Variants in CNTN5 observed in about 807,000 individuals in gnomAD.
The protein encoded by CNTN5 is contactin 5.
In CNTN5, 77 loss-of-function variants were observed where a neutral mutation model predicts 129.1. That is an observed-to-expected ratio of 0.60 (90% CI 0.50 to 0.72). The LOEUF (loss-of-function observed/expected upper bound fraction) is 0.72, where lower values mean the gene tolerates loss of function less well. Among genes scored for constraint, CNTN5 ranks in the 30% least tolerant of loss-of-function variants. The pLI, the probability that CNTN5 is intolerant of heterozygous loss-of-function variation, is 0.00. For missense variants in CNTN5, 1,478 were observed against 1,328.8 expected (o/e 1.11, Z -1.75); for synonymous variants, 509 against 465.6 (o/e 1.09, Z -1.20).
At chr11:99,259,860 G>A (rs1181570944) in intron 1 of CNTN5, among the ~76,000 whole-genome samples, 4 of 151,702 alleles carry the variant, frequency 2.6e-5, no homozygotes, top group African/African-American at 9.7e-5. Flanking sequence ...CTCGTTATTT[G>A]AAATTTTATT....
chr11:100,152,753 C>A (rs1478049967), intron 13 of CNTN5, among the ~76,000 whole-genome samples: 2 of 151,982 alleles, frequency 1.3e-5, no homozygotes, highest in Admixed American at 6.6e-5. Flanking sequence ...ATTAATGATT[C>A]TTTAAAAATG....
chr11:100,221,017 C>T (rs1278052151), intron 15 of CNTN5, among the ~76,000 whole-genome samples: 2 of 152,172 alleles, frequency 1.3e-5, no homozygotes, highest in African/African-American at 4.8e-5. Flanking sequence ...GAATGCCCAT[C>T]GTGGACCTTG....
chr11:100,258,395 C>A (rs1365380008), intron 17 of CNTN5, among the ~76,000 whole-genome samples: 1 of 152,130 alleles, frequency 6.6e-6, no homozygotes, highest in Non-Finnish European at 1.5e-5. Context: ...CTTCCCCAAC[C>A]TAGGAAGACA....
chr11:99,116,907 G>A (rs963443035), intron 1 of CNTN5, among the ~76,000 whole-genome samples: 1 of 152,190 alleles, frequency 6.6e-6, no homozygotes, highest in Non-Finnish European at 1.5e-5. Context: ...ATGGAATGCA[G>A]TACTGGTATT....
intron 16 of CNTN5, among the ~76,000 whole-genome samples, chr11:100,238,419 A>G (rs1007279313): frequency 1.3e-5 from 2 of 149,864 alleles, no homozygotes; most frequent in African/African-American, 4.9e-5. Context: ...AAAAAAAAAA[A>G]AAAAAAAAAA....
chr11:100,322,939 A>T (rs548886784), intron 21 of CNTN5, among the ~76,000 whole-genome samples: 33 of 152,216 alleles, frequency 2.2e-4, no homozygotes, highest in Non-Finnish European at 4.0e-4. Context: ...TCAATGAATA[A>T]TCTGTTTTGT....
chr11:100,303,682 T>G (rs1190731984), intron 20 of CNTN5, among the ~76,000 whole-genome samples: 2 of 151,646 alleles, frequency 1.3e-5, no homozygotes, highest in Non-Finnish European at 3.0e-5. Flanking sequence ...TTGCAGAATA[T>G]AATAGACAAT....
At chr11:99,177,125 G>A (rs1472361530) in intron 1 of CNTN5, among the ~76,000 whole-genome samples, 1 of 101,466 alleles carries the variant, frequency 9.9e-6, no homozygotes. Flanking sequence ...ATTCTTCATG[G>A]AAATAAACCT....
At chr11:99,076,270 G>C (rs1231751880) in intron 1 of CNTN5, among the ~76,000 whole-genome samples, 1 of 152,086 alleles carries the variant, frequency 6.6e-6, no homozygotes, top group African/African-American at 2.4e-5. Context: ...GGGAGCTAGA[G>C]GCTGCAGTGA....
intron 16 of CNTN5, among the ~76,000 whole-genome samples, chr11:100,236,898 GA>G (rs1200381292): frequency 1.3e-4 from 20 of 152,172 alleles, no homozygotes; most frequent in African/African-American, 4.8e-4. Context: ...TGGTCACCAA[GA>G]AAGAACTCCG....
At chr11:99,352,167 A>C (rs577062895) in intron 2 of CNTN5, among the ~76,000 whole-genome samples, 1 of 152,372 alleles carries the variant, frequency 6.6e-6, no homozygotes, top group Non-Finnish European at 1.5e-5. Context: ...GAATATGAAT[A>C]GACCTGAGTG....
At chr11:100,144,751 G>T (rs1389174242) in intron 13 of CNTN5, among the ~76,000 whole-genome samples, 1 of 144,332 alleles carries the variant, frequency 6.9e-6, no homozygotes, top group East Asian at 2.1e-4. Context: ...TTTTTTTTGA[G>T]ACTGAGTCTG....
intron 13 of CNTN5, among the ~76,000 whole-genome samples, chr11:100,149,798 G>A (rs1775669943): frequency 6.6e-6 from 1 of 151,740 alleles, no homozygotes; most frequent in African/African-American, 2.4e-5. Flanking sequence ...GGGAGGCTGA[G>A]GCAGAAGAAT....
At chr11:99,174,013 T>TGC (rs1473444100) in intron 1 of CNTN5, among the ~76,000 whole-genome samples, 1 of 151,960 alleles carries the variant, frequency 6.6e-6, no homozygotes, top group Non-Finnish European at 1.5e-5. Flanking sequence ...TGTGTGTGTG[T>TGC]GTGTGATGGA....
chr11:99,780,323 A>G (rs942745398), intron 3 of CNTN5, among the ~76,000 whole-genome samples: 1 of 152,092 alleles, frequency 6.6e-6, no homozygotes, highest in African/African-American at 2.4e-5. Context: ...GTAAGAGGAG[A>G]ATATGGCTAA....
At chr11:99,528,195 A>T (rs911404521) in intron 2 of CNTN5, among the ~76,000 whole-genome samples, 1 of 152,222 alleles carries the variant, frequency 6.6e-6, no homozygotes. Flanking sequence ...ATTCTAAAAA[A>T]TTCTTTACAT....
At chr11:99,460,707 G>C (rs558777586) in intron 2 of CNTN5, among the ~76,000 whole-genome samples, 1 of 151,946 alleles carries the variant, frequency 6.6e-6, no homozygotes, top group Admixed American at 6.6e-5. Context: ...GTGATTTTCA[G>C]ATACTGAAAA....
chr11:99,878,394 AAT>A (rs1477899797), intron 6 of CNTN5, among the ~76,000 whole-genome samples: 1 of 152,220 alleles, frequency 6.6e-6, no homozygotes, highest in Non-Finnish European at 1.5e-5. Context: ...AGTGGGGATA[AAT>A]AGTTATTGTA....
chr11:99,799,278 T>TAA lies in CNTN5; in HGVS notation c.56-20265_56-20264insAA, dbSNP rs563309984. Among the ~76,000 whole-genome samples, 13 of 151,740 alleles carry TAA rather than the reference T, an allele frequency of 8.6e-5. No individual in the cohort carries two copies. In the South Asian group the frequency reaches 2.7e-3, roughly 32 times the overall value. ...TGATTACTCTGGCTAGCACTTCCAG[T>TAA]ATTATGTTAAATAGGAGTGGTGAGA... is the stretch of plus-strand genomic sequence containing the variant. On this transcript the variant is annotated intron_variant, in intron 3 of 24. Transcript: ENST00000524871.
Sources: allele counts gnomAD v4.1 joint callset (sites outside exome capture counted in the v4.1 genomes callset), GRCh38; gene constraint gnomAD v4.1.1; transcripts MANE v1.5; gene names NCBI Gene and HGNC (gene_info 2026-07-23, HGNC 2026-07-21).